The following TMX1 variants were observed in gnomAD, a reference collection of about 807,000 sequenced individuals.
TMX1 encodes thioredoxin related transmembrane protein 1.
TMX1 carries 25 observed loss-of-function variants against 36.6 expected under a neutral mutation model. That is an observed-to-expected ratio of 0.68 (90% CI 0.50 to 0.95). The LOEUF (loss-of-function observed/expected upper bound fraction) is 0.95. Ranked by LOEUF, TMX1 falls within the 40% of genes least tolerant of loss-of-function variation. The pLI, the probability that TMX1 is intolerant of heterozygous loss-of-function variation, is 0.00. For missense variants in TMX1, 347 were observed against 339.6 expected, an observed-to-expected ratio of 1.02 and a Z score of -0.17; for synonymous variants, 133 against 118.0, an observed-to-expected ratio of 1.13 and a Z score of -0.82.
In TMX1 at chr14:51,240,367, C is replaced by A. The variant is rs368861633; in HGVS notation, c.75C>A (p.His25Gln). 5.0e-6 allele frequency: 8 copies of A among 1,613,900 alleles called. No homozygotes were observed. In the African/African-American group the frequency reaches 1.1e-4, roughly 22 times the overall value. The change falls in exon 1 of 8, where the codon CAC becomes CAA. Residue 25 changes from histidine to glutamine, a missense_variant. By Grantham distance (24) the His-to-Gln change is conservative. Coordinates refer to ENST00000457354, the MANE Select transcript of TMX1 (RefSeq NM_030755.5). Reference sequence around the variant, plus strand: ...TGCTTTGGGGTGCTCCCTGGACGCACGGGCGGCGGAGCAACGTTCGCGTCA... The same window carrying A: ...TGCTTTGGGGTGCTCCCTGGACGCAAGGGCGGCGGAGCAACGTTCGCGTCA... ...VLLLWGAPWTHGRRSNVRVIT... is the reference protein window; with the variant it reads ...VLLLWGAPWTQGRRSNVRVIT...
At position 51,254,641 on chromosome 14, in the gene TMX1, T is replaced by G. The variant is rs2065830533; in HGVS notation, c.*122T>G. ...TGCAGGGTTCAGTCTAGATTGTCAT[T>G]AAATTGAAGAGTCTACATTCAGAAC... On this transcript the variant is annotated 3_prime_UTR_variant, in exon 8 of 8. Coordinates refer to ENST00000457354, the MANE Select transcript of TMX1 (RefSeq NM_030755.5). 3 of 832,606 alleles carry G rather than the reference T, an allele frequency of 3.6e-6. No homozygotes were observed. The highest frequency in any genetic ancestry group is 3.4e-5 in the Admixed American group (1 of 29,470). 51.6% of individuals were successfully genotyped at this position (832,606 alleles called of 1,614,324 possible). A position where few individuals can be genotyped will look rare whatever the true frequency, so the allele number is the denominator to read the frequency against.
chr14:51,241,012 T>TTTTCTCTTTTTGCCTCCTCTTTTGC (rs2065758307), intron 1 of TMX1, among the ~76,000 whole-genome samples: 1 of 152,178 alleles, frequency 6.6e-6, no homozygotes, highest in Non-Finnish European at 1.5e-5. Context: ...TAAGTTTTCG[T>TTTTCTCTTTTTGCCTCCTCTTTTGC]TTTCTCTTTT....
At position 51,240,281 on chromosome 14, in the gene TMX1, G is replaced by C; in HGVS notation, c.-12G>C. 6.2e-7 allele frequency: 1 copy of C among 1,607,718 alleles called. No individual in the cohort carries two copies. Among genetic ancestry groups the C allele is most frequent in the South Asian group, 1.1e-5 (1 of 90,986 alleles). ...TGCGACCGCGCTCCCTGTGAGGTGG[G>C]CAAGCGGCGAAATGGCGCCCTCCGG... On this transcript the variant is annotated 5_prime_UTR_variant, in exon 1 of 8. Coordinates refer to ENST00000457354, the MANE Select transcript of TMX1 (RefSeq NM_030755.5).
rs2065790221 is a variant in TMX1 at position 51,247,291 on chromosome 14, G to A, written c.443+71G>A. ...AACAGATAATTATATTTTATGTAAA[G>A]CATTCATACTCAGTTTGTTTCTTGA... On this transcript the variant is annotated intron_variant, in intron 4 of 7. Transcript: ENST00000457354. The A allele has an allele frequency of 1.0e-5, 15 of 1,490,864 alleles. No individual in the cohort carries two copies. In the South Asian group the frequency reaches 1.7e-4, roughly 17 times the overall value. 92.4% of individuals were successfully genotyped at this position (1,490,864 alleles called of 1,614,324 possible). A position where few individuals can be genotyped will look rare whatever the true frequency, so the allele number is the denominator to read the frequency against.
chr14:51,250,093 T>C (rs185199481), intron 7 of TMX1, among the ~76,000 whole-genome samples: 2 of 152,358 alleles, frequency 1.3e-5, no homozygotes, highest in African/African-American at 4.8e-5. Context: ...CTTTCATTAG[T>C]ATACCGGCCG....
Position 51,249,386 on chromosome 14 carries a change from A to G in TMX1, c.489+15A>G. On this transcript the variant is annotated intron_variant, in intron 5 of 7. Coordinates refer to ENST00000457354, the MANE Select transcript of TMX1 (RefSeq NM_030755.5). ...TGTGGATCAGGGTATGGACTAAAAT[A>G]TTTTTATCTTAAACATTTTTACCAC... 1 of 1,601,742 alleles carries G rather than the reference A, an allele frequency of 6.2e-7. No homozygotes were observed. The highest frequency in any genetic ancestry group is 8.5e-7 in the Non-Finnish European group (1 of 1,175,652).
chr14:51,243,950 G>A lies in TMX1; in HGVS notation c.247G>A (p.Val83Ile). 6.2e-7 allele frequency: 1 copy of A among 1,611,060 alleles called. No individual in the cohort carries two copies. The highest frequency in any genetic ancestry group is 1.3e-5 in the African/African-American group (1 of 74,982). Residue 83 changes from valine to isoleucine, a missense_variant, in exon 2 of 8, where the codon GTA becomes ATA. Coordinates refer to ENST00000457354, the MANE Select transcript of TMX1 (RefSeq NM_030755.5). ...GEDLEVNIAK[V>I]DVTEQPGLSG... ...AGATCTTGAGGTTAATATTGCGAAA[G>A]TAGATGTCACAGAGCAGCCAGGTAC...
chr14:51,252,653 T>C (rs899240135), intron 7 of TMX1, among the ~76,000 whole-genome samples: 5 of 152,248 alleles, frequency 3.3e-5, no homozygotes, highest in African/African-American at 1.2e-4. Context: ...TAAAGTGATA[T>C]TGCCATGCCC....
chr14:51,249,714 T>A lies in TMX1; in HGVS notation c.613T>A (p.Cys205Ser), dbSNP rs1486819814. ...LGLCMIFVAD[C>S]LCPSKRRRPQ... ...ACAGTGTATGATATTTGTGGCAGAT[T>A]GCCTTTGTCCTTCAAAAAGGCGCAG... Residue 205 changes from cysteine to serine, a missense_variant, in exon 7 of 8, where the codon TGC becomes AGC. Coordinates refer to ENST00000457354, the MANE Select transcript of TMX1 (RefSeq NM_030755.5). The A allele has an allele frequency of 1.9e-6, 3 of 1,613,574 alleles. No individual in the cohort carries two copies. The East Asian group carries it at 6.7e-5, about 36-fold the overall frequency.
At chr14:51,247,903 C>A (rs1355029704) in intron 4 of TMX1, among the ~76,000 whole-genome samples, 2 of 152,196 alleles carry the variant, frequency 1.3e-5, no homozygotes, top group African/African-American at 4.8e-5. Flanking sequence ...ATGCTACCTC[C>A]AGACTTCAAT....
At chr14:51,254,171 ATAT>A in intron 7 of TMX1, 167 bp from the exon 8 acceptor site, 1 of 494,104 alleles carries the variant, frequency 2.0e-6, no homozygotes, top group Non-Finnish European at 3.4e-6. Context: ...TATTTTTATA[ATAT>A]TCATGGTTTT....
At chr14:51,254,191 C>A in intron 7 of TMX1, 150 bp from the exon 8 acceptor site, 1 of 576,832 alleles carries the variant, frequency 1.7e-6, no homozygotes, top group Non-Finnish European at 2.8e-6. Context: ...TTTTTTTTAT[C>A]TTATCTTGAA....
chr14:51,241,430 T>G (rs1452967499), intron 1 of TMX1, among the ~76,000 whole-genome samples: 2 of 152,356 alleles, frequency 1.3e-5, no homozygotes, highest in East Asian at 3.9e-4. Context: ...ACAAATTCTC[T>G]ATGACAGGTG....
intron 4 of TMX1, 133 bp from the exon 5 acceptor site, chr14:51,249,193 C>A: frequency 1.6e-6 from 1 of 634,198 alleles, no homozygotes; most frequent in Non-Finnish European, 2.6e-6. Flanking sequence ...GGCATGAAAT[C>A]AGTGATGTGT....
intron 1 of TMX1, among the ~76,000 whole-genome samples, chr14:51,240,922 C>G (rs114885479): frequency 0.021 from 3,216 of 152,116 alleles, 105 homozygotes; most frequent in African/African-American, 0.066. Context: ...TGGAATTTGG[C>G]GCTTTTAAGC....
chr14:51,251,154 G>T (rs2065810861), intron 7 of TMX1, among the ~76,000 whole-genome samples: 1 of 152,180 alleles, frequency 6.6e-6, no homozygotes, highest in South Asian at 2.1e-4. Context: ...TAGCTATACC[G>T]ATGGTCCCTG....
At chr14:51,246,429 T>C (rs916209013) in intron 3 of TMX1, among the ~76,000 whole-genome samples, 1 of 152,092 alleles carries the variant, frequency 6.6e-6, no homozygotes, top group African/African-American at 2.4e-5. Flanking sequence ...GGATAAAGGG[T>C]CCCTTAACCC....
Position 51,247,302 on chromosome 14 carries a change from CAGTT to C in TMX1, c.443+83_443+86del, listed in dbSNP as rs898334854. The C allele has an allele frequency of 1.1e-5, 15 of 1,394,034 alleles. No individual in the cohort carries two copies. The African/African-American group carries it at 2.2e-4, about 21-fold the overall frequency. 86.4% of individuals were successfully genotyped at this position (1,394,034 alleles called of 1,614,324 possible). A position where few individuals can be genotyped will look rare whatever the true frequency, so the allele number is the denominator to read the frequency against. ...ATATTTTATGTAAAGCATTCATACT[CAGTT>C]TGTTTCTTGAGCTGTTAAGGTATAT... is the stretch of plus-strand genomic sequence containing the variant. On this transcript the variant is annotated intron_variant, in intron 4 of 7. Coordinates refer to ENST00000457354, the MANE Select transcript of TMX1 (RefSeq NM_030755.5).
chr14:51,240,555 A>G, intron 1 of TMX1, 111 bp downstream of exon 1: 4 of 1,431,146 alleles, frequency 2.8e-6, no homozygotes, highest in Non-Finnish European at 3.7e-6. Flanking sequence ...CGAGTTGCGG[A>G]GCGAGCGTCC....
Sources: allele counts gnomAD v4.1 joint callset (sites outside exome capture counted in the v4.1 genomes callset), GRCh38; gene constraint gnomAD v4.1.1; transcripts MANE v1.5; gene names NCBI Gene and HGNC (gene_info 2026-07-23, HGNC 2026-07-21).